Variants in AUTS2 observed in about 807,000 individuals in gnomAD.
The protein encoded by AUTS2 is autism susceptibility gene 2 protein.
A neutral mutation model predicts 112.4 loss-of-function variants in AUTS2; 17 were observed. The observed-to-expected ratio is 0.15, with a 90% CI of 0.10 to 0.23. The LOEUF is 0.23. AUTS2 is among the 10% of genes least tolerant of loss of function. The probability of loss-of-function intolerance (pLI) is 1.00; values close to 1 mark genes in which losing one functional copy is unlikely to be tolerated. For synonymous variants in AUTS2, 751 were observed against 702.7 expected (o/e 1.07, Z -1.09); for missense variants, 1,510 against 1,701.6 (o/e 0.89, Z 1.98).
chr7:69,888,540 G>GATAGAT (rs1468555842), intron 1 of AUTS2, among the ~76,000 whole-genome samples: 1 of 99,256 alleles, frequency 1.0e-5, no homozygotes, highest in African/African-American at 4.3e-5. Flanking sequence ...CAACATTGGG[G>GATAGAT]ATATATATAT....
At chr7:70,659,439 C>T (rs999768800) in intron 5 of AUTS2, among the ~76,000 whole-genome samples, 6 of 152,158 alleles carry the variant, frequency 3.9e-5, no homozygotes, top group Admixed American at 2.0e-4. Flanking sequence ...GCCACTGTCC[C>T]GCAGCCTCAT....
intron 5 of AUTS2, among the ~76,000 whole-genome samples, chr7:70,606,528 A>AGC (rs1803776541): frequency 6.6e-6 from 1 of 152,138 alleles, no homozygotes; most frequent in East Asian, 1.9e-4. Flanking sequence ...ATTATAGTGC[A>AGC]GCGCCCATAA....
At chr7:70,357,591 C>A (rs1429371924) in intron 4 of AUTS2, among the ~76,000 whole-genome samples, 1 of 152,178 alleles carries the variant, frequency 6.6e-6, no homozygotes, top group South Asian at 2.1e-4. Context: ...ACTCTTGACC[C>A]CTCCCTTCCA....
At chr7:69,936,610 AAGTGCTGGG>A (rs1434701787) in intron 2 of AUTS2, among the ~76,000 whole-genome samples, 3 of 152,262 alleles carry the variant, frequency 2.0e-5, no homozygotes, top group African/African-American at 4.8e-5. Flanking sequence ...AGGCCTCCCA[AAGTGCTGGG>A]ATTACAGGCG....
chr7:70,539,479 G>A (rs1373464680), intron 5 of AUTS2, among the ~76,000 whole-genome samples: 1 of 152,144 alleles, frequency 6.6e-6, no homozygotes, highest in African/African-American at 2.4e-5. Context: ...AACTTTTAAT[G>A]TGCACTGTCT....
At chr7:70,787,054 A>C in intron 17 of AUTS2, 155 bp from the exon 18 acceptor site, 1 of 789,702 alleles carries the variant, frequency 1.3e-6, no homozygotes, top group Non-Finnish European at 2.2e-6. Flanking sequence ...GACTTCCTCT[A>C]ATGAATTTGT....
chr7:70,210,414 C>G (rs1267224881), intron 4 of AUTS2, among the ~76,000 whole-genome samples: 1 of 152,186 alleles, frequency 6.6e-6, no homozygotes, highest in Non-Finnish European at 1.5e-5. Flanking sequence ...CAGTAATAAG[C>G]AGAGACATGT....
At chr7:69,819,975 A>G (rs1005825890) in intron 1 of AUTS2, among the ~76,000 whole-genome samples, 2 of 152,216 alleles carry the variant, frequency 1.3e-5, no homozygotes, top group African/African-American at 4.8e-5. Context: ...TATAGGACCT[A>G]TATTTATCAA....
At chr7:70,602,588 A>G (rs1334136449) in intron 5 of AUTS2, among the ~76,000 whole-genome samples, 2 of 152,242 alleles carry the variant, frequency 1.3e-5, no homozygotes, top group Non-Finnish European at 2.9e-5. Context: ...CTCATTGAAG[A>G]AAAGTGTTTC....
chr7:69,964,694 C>T (rs1362129301), intron 2 of AUTS2, among the ~76,000 whole-genome samples: 1 of 151,828 alleles, frequency 6.6e-6, no homozygotes, highest in Non-Finnish European at 1.5e-5. Flanking sequence ...AGCTTTTGGA[C>T]TTAGGACAAA....
At chr7:70,197,176 GAAC>G (rs1235614846) in intron 4 of AUTS2, among the ~76,000 whole-genome samples, 2 of 151,910 alleles carry the variant, frequency 1.3e-5, no homozygotes, top group African/African-American at 2.4e-5. Flanking sequence ...GTTGGCTCTT[GAAC>G]AACAACTAAG....
In AUTS2 at chr7:70,107,378, T is replaced by C. The variant is rs78596797; in HGVS notation, c.523-10754T>C. On this transcript the variant is annotated intron_variant, in intron 2 of 18. Transcript: ENST00000342771. ...TTTTTTCTTTGAGACTGAGTCTAGC[T>C]CTTTCGCCAGGCTGGAGTTCAGTAG... 6.5e-3 allele frequency among the ~76,000 whole-genome samples: 891 copies of C among 136,134 alleles called. 58 individuals are homozygous for C. The East Asian group carries it at 0.17, about 26-fold the overall frequency. 89.3% of individuals were successfully genotyped at this position (136,134 alleles called of 152,430 possible). A position where few individuals can be genotyped will look rare whatever the true frequency, so the allele number is the denominator to read the frequency against.
In AUTS2 at chr7:69,810,137, T is replaced by G. The variant is rs1015595895; in HGVS notation, c.310-89149T>G. Reference sequence around the variant, plus strand: ...GCGTCCAGGCACTCTCCACTCCTCGTGCCTCCCACCATGCCCACCTCTCTT... The same window carrying G: ...GCGTCCAGGCACTCTCCACTCCTCGGGCCTCCCACCATGCCCACCTCTCTT... On this transcript the variant is annotated intron_variant, in intron 1 of 18. Transcript: ENST00000342771. 2.0e-5 allele frequency among the ~76,000 whole-genome samples: 3 copies of G among 152,308 alleles called. No individual in the cohort carries two copies. The East Asian group carries it at 5.8e-4, about 29-fold the overall frequency.
chr7:69,857,266 A>G (rs1169575682), intron 1 of AUTS2, among the ~76,000 whole-genome samples: 1 of 152,110 alleles, frequency 6.6e-6, no homozygotes, highest in Non-Finnish European at 1.5e-5. Context: ...AAGCAGGCTC[A>G]CGCAGTCCTG....
In AUTS2 at chr7:70,337,003, C is replaced by T. The variant is rs147721693; in HGVS notation, c.661-98749C>T. 8.5e-5 allele frequency among the ~76,000 whole-genome samples: 13 copies of T among 152,164 alleles called. No homozygotes were observed. The East Asian group carries it at 2.3e-3, about 27-fold the overall frequency. On this transcript the variant is annotated intron_variant, in intron 4 of 18. Coordinates refer to ENST00000342771, the MANE Select transcript of AUTS2 (RefSeq NM_015570.4). ...TTTCATTGACTGTGGTATTGGCTACCGATTTAAAAATCCTTGAAGACTTAA... is the reference window on the plus strand; with the variant it reads ...TTTCATTGACTGTGGTATTGGCTACTGATTTAAAAATCCTTGAAGACTTAA...
chr7:70,049,031 A>C (rs1429513096), intron 2 of AUTS2, among the ~76,000 whole-genome samples: 1 of 152,164 alleles, frequency 6.6e-6, no homozygotes, highest in Non-Finnish European at 1.5e-5. Context: ...TCCTGGGTTC[A>C]AGCAGTGTTC....
At chr7:70,621,769 G>C (rs1336647510) in intron 5 of AUTS2, among the ~76,000 whole-genome samples, 2 of 150,862 alleles carry the variant, frequency 1.3e-5, no homozygotes, top group Non-Finnish European at 2.9e-5. Context: ...CAGTGGACCA[G>C]TGCTGAACTT....
At chr7:69,884,770 C>T (rs778652440) in intron 1 of AUTS2, among the ~76,000 whole-genome samples, 6 of 152,190 alleles carry the variant, frequency 3.9e-5, no homozygotes, top group Non-Finnish European at 8.8e-5. Context: ...ACTGACACTG[C>T]CTTTCATCTT....
intron 1 of AUTS2, among the ~76,000 whole-genome samples, chr7:69,717,568 A>G (rs1407371185): frequency 1.3e-5 from 2 of 152,204 alleles, no homozygotes; most frequent in Non-Finnish European, 2.9e-5. Context: ...TGGAGACCAG[A>G]ATGAAGGGTG....
Sources: allele counts gnomAD v4.1 joint callset (sites outside exome capture counted in the v4.1 genomes callset), GRCh38; gene constraint gnomAD v4.1.1; transcripts MANE v1.5; gene names NCBI Gene and HGNC (gene_info 2026-07-23, HGNC 2026-07-21).